GRM8: variants seen among roughly 807,000 people sequenced by gnomAD.
The protein encoded by GRM8 is metabotropic glutamate receptor 8.
A neutral mutation model predicts 87.2 loss-of-function variants in GRM8; 47 were observed. The observed-to-expected ratio is 0.54, with a 90% CI of 0.43 to 0.69. The LOEUF is 0.69. Among genes scored for constraint, GRM8 ranks in the 30% least tolerant of loss-of-function variants. The pLI, the probability that GRM8 is intolerant of heterozygous loss-of-function variation, is 0.00. For missense variants in GRM8, 1,019 were observed against 1,139.2 expected, an observed-to-expected ratio of 0.89 and a Z score of 1.52; for synonymous variants, 396 against 404.5, an observed-to-expected ratio of 0.98 and a Z score of 0.25.
intron 2 of GRM8, among the ~76,000 whole-genome samples, chr7:127,194,054 G>A (rs932500820): frequency 1.3e-5 from 2 of 152,158 alleles, no homozygotes; most frequent in Non-Finnish European, 2.9e-5. Context: ...ACCACCAGCT[G>A]ACCCACAGGC....
At chr7:126,664,909 A>T (rs184995532) in intron 7 of GRM8, among the ~76,000 whole-genome samples, 1 of 152,188 alleles carries the variant, frequency 6.6e-6, no homozygotes, top group South Asian at 2.1e-4. Context: ...AACTTAAACA[A>T]TTCAGCAAGA....
At chr7:126,979,964 C>T (rs988044883) in intron 3 of GRM8, among the ~76,000 whole-genome samples, 5 of 152,228 alleles carry the variant, frequency 3.3e-5, no homozygotes, top group African/African-American at 1.2e-4. Context: ...TAGCCACAAG[C>T]TGCATGTGGC....
intron 3 of GRM8, among the ~76,000 whole-genome samples, chr7:126,942,742 T>C (rs1166835250): frequency 6.6e-6 from 1 of 151,960 alleles, no homozygotes; most frequent in Non-Finnish European, 1.5e-5. Flanking sequence ...ACAGGCAGAG[T>C]GAAGATGAGA....
At chr7:126,955,045 A>G (rs1808533418) in intron 3 of GRM8, among the ~76,000 whole-genome samples, 1 of 152,164 alleles carries the variant, frequency 6.6e-6, no homozygotes, top group African/African-American at 2.4e-5. Context: ...TGTTTTACAC[A>G]TTTCATTTTT....
intron 7 of GRM8, among the ~76,000 whole-genome samples, chr7:126,753,469 T>G (rs77449284): frequency 2.7e-3 from 409 of 151,708 alleles, no homozygotes; most frequent in African/African-American, 9.1e-3. Flanking sequence ...TACACACAAA[T>G]GTATATACAC....
At chr7:126,594,685 T>C (rs996502107) in intron 8 of GRM8, among the ~76,000 whole-genome samples, 4 of 152,124 alleles carry the variant, frequency 2.6e-5, no homozygotes, top group African/African-American at 9.7e-5. Context: ...GATAATAATA[T>C]ATTGTATTCA....
chr7:126,811,918 G>A (rs970527128), intron 6 of GRM8, among the ~76,000 whole-genome samples: 1 of 152,022 alleles, frequency 6.6e-6, no homozygotes, highest in African/African-American at 2.4e-5. Flanking sequence ...TGGTGAAAGT[G>A]GGCATATTTG....
At chr7:126,755,633 C>T (rs1816918347) in intron 7 of GRM8, among the ~76,000 whole-genome samples, 1 of 151,856 alleles carries the variant, frequency 6.6e-6, no homozygotes, top group African/African-American at 2.4e-5. Flanking sequence ...GTGTTTTCCT[C>T]CCTGGTAAAA....
chr7:126,919,815 G>C (rs572783482), intron 3 of GRM8, among the ~76,000 whole-genome samples: 3 of 152,118 alleles, frequency 2.0e-5, no homozygotes, highest in South Asian at 4.1e-4. Flanking sequence ...TGAAAATGGA[G>C]ATGAGCCACC....
intron 7 of GRM8, among the ~76,000 whole-genome samples, chr7:126,667,909 C>A (rs1805950087): frequency 6.6e-6 from 1 of 152,230 alleles, no homozygotes; most frequent in African/African-American, 2.4e-5. Flanking sequence ...CGGGAAGCAG[C>A]AAGAACAGAC....
At chr7:126,651,131 TC>T (rs1803807740) in intron 7 of GRM8, among the ~76,000 whole-genome samples, 1 of 150,348 alleles carries the variant, frequency 6.7e-6, no homozygotes. Context: ...ACACAATGCT[TC>T]TGCCAAGACT....
intron 8 of GRM8, among the ~76,000 whole-genome samples, chr7:126,568,228 G>A (rs1794406611): frequency 6.6e-6 from 1 of 152,048 alleles, no homozygotes; most frequent in South Asian, 2.1e-4. Context: ...TCTTTACTTA[G>A]ACCTTCCCAA....
At chr7:126,577,910 C>T (rs1795257635) in intron 8 of GRM8, among the ~76,000 whole-genome samples, 2 of 152,038 alleles carry the variant, frequency 1.3e-5, no homozygotes, top group African/African-American at 4.8e-5. Context: ...CTCTTAAAAT[C>T]TCCCACCAAA....
chr7:127,041,408 TCTTC>T (rs1818418791), intron 3 of GRM8, among the ~76,000 whole-genome samples: 1 of 152,240 alleles, frequency 6.6e-6, no homozygotes, highest in African/African-American at 2.4e-5. Context: ...TTTATCAGTG[TCTTC>T]CTTGTACTTA....
At chr7:126,796,690 C>T (rs1412489168) in intron 6 of GRM8, among the ~76,000 whole-genome samples, 1 of 152,066 alleles carries the variant, frequency 6.6e-6, no homozygotes, top group East Asian at 1.9e-4. Context: ...TCTAGGAGAA[C>T]ACTAGCCCTC....
At chr7:126,644,969 C>T (rs1281147974) in intron 7 of GRM8, among the ~76,000 whole-genome samples, 1 of 152,240 alleles carries the variant, frequency 6.6e-6, no homozygotes, top group Non-Finnish European at 1.5e-5. Flanking sequence ...AGAAGTCCGA[C>T]AGTGTTGACG....
chr7:126,526,215 T>C (rs1284146992), intron 9 of GRM8, among the ~76,000 whole-genome samples: 1 of 152,192 alleles, frequency 6.6e-6, no homozygotes, highest in Non-Finnish European at 1.5e-5. Flanking sequence ...CATTCTGTAT[T>C]ATCAATAGTC....
chr7:126,534,494 C>CA (rs1815369377), intron 8 of GRM8, among the ~76,000 whole-genome samples: 1 of 152,084 alleles, frequency 6.6e-6, no homozygotes, highest in Admixed American at 6.6e-5. Context: ...CCATGTTGTG[C>CA]AAAACACCAT....
At chr7:126,869,678 A>C (rs969561497) in intron 6 of GRM8, 1 of 152,138 alleles carries the variant, frequency 6.6e-6, no homozygotes, top group South Asian at 2.1e-4. Flanking sequence ...TTTTCTGGGC[A>C]GTAGGTTTCA....
Sources: gnomAD v4.1 joint callset for allele counts (sites outside exome capture counted in the v4.1 genomes callset) on GRCh38, gnomAD v4.1.1 for gene constraint, MANE v1.5 for transcripts, NCBI Gene and HGNC (gene_info 2026-07-23, HGNC 2026-07-21) for gene names.